JADE3: variants seen among roughly 807,000 people sequenced by gnomAD.
JADE3 encodes the protein jade family PHD finger 3, also known as protein Jade-3.
JADE3 carries 2 observed loss-of-function variants against 50.1 expected under a neutral mutation model. The observed-to-expected ratio is 0.04, with a 90% confidence interval of 0.02 to 0.13. The LOEUF (loss-of-function observed/expected upper bound fraction) is 0.13, where lower values mean the gene tolerates loss of function less well. JADE3 is among the 10% of genes least tolerant of loss of function. The probability of loss-of-function intolerance (pLI) is 1.00; values close to 1 mark genes in which losing one functional copy is unlikely to be tolerated. For missense variants in JADE3, 475 were observed against 634.4 expected (o/e 0.75, Z 2.70); for synonymous variants, 218 against 232.9 (o/e 0.94, Z 0.58).
intron 4 of JADE3, among the ~76,000 whole-genome samples, chrX:47,019,698 C>G (rs1184825020): frequency 8.9e-6 from 1 of 112,171 alleles, no homozygotes; most frequent in Non-Finnish European, 1.9e-5. Flanking sequence ...ATATTTAGAT[C>G]AACTGAAGAG....
chrX:47,016,647 C>T (rs1179622693), intron 4 of JADE3, among the ~76,000 whole-genome samples: 3 of 109,936 alleles, frequency 2.7e-5, no homozygotes, highest in Non-Finnish European at 5.7e-5. Flanking sequence ...GATTTGTGGC[C>T]GTCTTTGATC....
chrX:47,059,234 C>G lies in JADE3; in HGVS notation c.*157C>G. On this transcript the variant is annotated 3_prime_UTR_variant, in exon 11 of 11. Transcript: ENST00000614628. ...TGTCTTGCAGTTTTTGAAAATGTTTCAAGTCTAGTTTTTACAAGCACATTA... is the reference window on the plus strand; with the variant it reads ...TGTCTTGCAGTTTTTGAAAATGTTTGAAGTCTAGTTTTTACAAGCACATTA... The G allele has an allele frequency of 2.2e-6, 1 of 457,382 alleles. No homozygotes were observed. The highest frequency in any genetic ancestry group is 4.5e-5 in the Admixed American group (1 of 22,028). The allele number at this position is 457,382 out of a possible 1,213,427, so 37.7% of individuals were successfully genotyped here. A position where few individuals can be genotyped will look rare whatever the true frequency, so the allele number is the denominator to read the frequency against.
chrX:47,046,444 A>G (rs1456973138), intron 8 of JADE3, among the ~76,000 whole-genome samples: 6 of 112,209 alleles, frequency 5.3e-5, no homozygotes, highest in African/African-American at 1.9e-4. Context: ...TGAATTTTAC[A>G]AAACATTTAA....
chrX:47,026,525 C>A (rs782225781), intron 5 of JADE3, among the ~76,000 whole-genome samples: 1 of 111,020 alleles, frequency 9.0e-6, no homozygotes, highest in East Asian at 2.8e-4. Context: ...TTTTTCTGTT[C>A]CAGGATCCCA....
At chrX:47,010,477 C>T (rs1399108170) in intron 4 of JADE3, among the ~76,000 whole-genome samples, 1 of 111,950 alleles carries the variant, frequency 8.9e-6, no homozygotes, top group African/African-American at 3.3e-5. Context: ...ATCCGCCTGG[C>T]TTGGCTGGGA....
chrX:46,913,882 C>A (rs782590284), intron 1 of JADE3, among the ~76,000 whole-genome samples: 1 of 110,331 alleles, frequency 9.1e-6, no homozygotes, highest in African/African-American at 3.3e-5. Flanking sequence ...CTCAGATGTG[C>A]GCGAGTTGTT....
At chrX:47,002,149 T>A (rs1928302375) in intron 4 of JADE3, among the ~76,000 whole-genome samples, 1 of 111,373 alleles carries the variant, frequency 9.0e-6, no homozygotes, top group Non-Finnish European at 1.9e-5. Flanking sequence ...TTCTTCTGGA[T>A]CATGCTTTTA....
intron 1 of JADE3, among the ~76,000 whole-genome samples, chrX:46,914,775 T>A (rs1336858396): frequency 8.9e-6 from 1 of 112,204 alleles, no homozygotes; most frequent in Non-Finnish European, 1.9e-5. Context: ...CTGAGTCATG[T>A]TGCTTGCCCT....
At chrX:46,999,127 G>T (rs1556358238) in intron 4 of JADE3, among the ~76,000 whole-genome samples, 1 of 110,946 alleles carries the variant, frequency 9.0e-6, no homozygotes, top group African/African-American at 3.3e-5. Context: ...AAGGACAAGT[G>T]AACATGTGTT....
intron 4 of JADE3, among the ~76,000 whole-genome samples, chrX:47,015,312 T>G (rs1463357053): frequency 2.7e-5 from 3 of 112,122 alleles, no homozygotes; most frequent in Non-Finnish European, 5.6e-5. Context: ...CCGGGTGTGG[T>G]GGCTCACGCC....
intron 1 of JADE3, among the ~76,000 whole-genome samples, chrX:46,925,217 C>T (rs1267269959): frequency 1.2e-4 from 13 of 112,597 alleles, no homozygotes; most frequent in Non-Finnish European, 1.7e-4. Context: ...CCTCCTATCA[C>T]ATTCTCCTTC....
chrX:47,054,235 A>C lies in JADE3; in HGVS notation c.1050A>C (p.Leu350=). ...ACGGCCTAGAGATGAAGACCATCCT[A>C]GATGAGGGAGACGAAGTGAAGTTCA... The part of the protein sequence containing the change: ...FEHGLEMKTI[L]DEGDEVKFKS... Residue 350 remains leucine (L), a synonymous_variant, in exon 9 of 11, where the codon CTA becomes CTC. Coordinates refer to ENST00000614628, the MANE Select transcript of JADE3 (RefSeq NM_014735.5). The C allele has an allele frequency of 8.3e-7, 1 of 1,209,556 alleles. No individual in the cohort carries two copies. Among genetic ancestry groups the C allele is most frequent in the Non-Finnish European group, 1.1e-6 (1 of 894,482 alleles).
At chrX:46,928,232 G>T (rs1024168679) in intron 1 of JADE3, among the ~76,000 whole-genome samples, 1 of 111,734 alleles carries the variant, frequency 8.9e-6, no homozygotes, top group Non-Finnish European at 1.9e-5. Flanking sequence ...TGCCAATCCT[G>T]CCTGGGCCAA....
chrX:46,928,625 C>T (rs139787447), intron 1 of JADE3, among the ~76,000 whole-genome samples: 2,322 of 111,795 alleles, frequency 0.021, 21 homozygotes, highest in Non-Finnish European at 0.03. Flanking sequence ...ACTCTGTCAC[C>T]GAGGCTGGAG....
intron 4 of JADE3, among the ~76,000 whole-genome samples, chrX:47,014,150 A>T (rs1421004865): frequency 8.9e-6 from 1 of 112,327 alleles, no homozygotes; most frequent in Non-Finnish European, 1.9e-5. Context: ...ACTTGTCTGT[A>T]GCTGATCTGG....
chrX:47,002,374 T>C (rs1928307469), intron 4 of JADE3, among the ~76,000 whole-genome samples: 1 of 111,560 alleles, frequency 9.0e-6, no homozygotes, highest in African/African-American at 3.2e-5. Flanking sequence ...TCCACTTTCT[T>C]TGTCTTTCCA....
At chrX:47,022,593 A>C (rs2146974169) in intron 4 of JADE3, among the ~76,000 whole-genome samples, 1 of 111,826 alleles carries the variant, frequency 8.9e-6, no homozygotes, top group Admixed American at 9.5e-5. Flanking sequence ...CATATATGTG[A>C]TGACTCTAGA....
At chrX:46,948,695 C>G (rs1926934613) in intron 1 of JADE3, among the ~76,000 whole-genome samples, 1 of 111,231 alleles carries the variant, frequency 9.0e-6, no homozygotes, top group Non-Finnish European at 1.9e-5. Context: ...AAAAAGTGAA[C>G]AAGTCATAAG....
intron 3 of JADE3, 53 bp from the exon 4 acceptor site, chrX:46,998,067 G>A (rs1490042860): frequency 3.0e-6 from 3 of 994,109 alleles, no homozygotes; most frequent in Non-Finnish European, 4.2e-6. Context: ...AACATTGAAT[G>A]GTATCAGTTG....
Sources: gnomAD v4.1 joint callset for allele counts (sites outside exome capture counted in the v4.1 genomes callset) on GRCh38, gnomAD v4.1.1 for gene constraint, MANE v1.5 for transcripts, NCBI Gene and HGNC (gene_info 2026-07-23, HGNC 2026-07-21) for gene names.